Variants in KATNBL1 observed in about 807,000 individuals in gnomAD.
The protein encoded by KATNBL1 is KATNB1-like protein 1.
Under a neutral mutation model 44.7 loss-of-function variants are expected in KATNBL1, and 28 were observed. That is an observed-to-expected ratio of 0.63 (90% CI 0.46 to 0.86). The LOEUF (loss-of-function observed/expected upper bound fraction) is 0.86, where lower values mean the gene tolerates loss of function less well. KATNBL1 is among the 40% of genes least tolerant of loss of function. The probability of loss-of-function intolerance (pLI) is 0.00; values close to 1 mark genes in which losing one functional copy is unlikely to be tolerated. For synonymous variants in KATNBL1, 78 were observed against 114.9 expected (o/e 0.68, Z 2.06); for missense variants, 272 against 350.7 (o/e 0.78, Z 1.79).
At chr15:34,186,968 C>G (rs1889735162) in intron 1 of KATNBL1, among the ~76,000 whole-genome samples, 1 of 152,228 alleles carries the variant, frequency 6.6e-6, no homozygotes, top group Admixed American at 6.5e-5. Flanking sequence ...GATCAACTGG[C>G]ATGCACTTCC....
At chr15:34,143,880 T>C (rs1321774051) in intron 9 of KATNBL1, among the ~76,000 whole-genome samples, 1 of 131,206 alleles carries the variant, frequency 7.6e-6, no homozygotes, top group Admixed American at 9.3e-5. Flanking sequence ...GGCAGGAGAA[T>C]GGCGTGAACC....
rs552425745 is a variant in KATNBL1 at position 34,142,932 on chromosome 15, G to A, written c.883-561C>T. The A allele has an allele frequency of 4.9e-5, 22 of 450,172 alleles. No individual in the cohort carries two copies. In the East Asian group the frequency reaches 7.6e-4, roughly 16 times the overall value. The allele number at this position is 450,172 out of a possible 1,614,324, so 27.9% of individuals were successfully genotyped here. On this transcript the variant is annotated intron_variant, in intron 9 of 9. Transcript: ENST00000256544. ...TCACCATGTTGGCCGGGATGGTCTC[G>A]ATCTCCTGAGCTCGTGATCTGCCCA... is the stretch of plus-strand genomic sequence containing the variant.
intron 2 of KATNBL1, chr15:34,154,956 T>C: frequency 4.8e-6 from 2 of 415,720 alleles, no homozygotes; most frequent in Non-Finnish European, 8.8e-6. Context: ...TATCTGGGTA[T>C]GAGGCAGAGT....
At chr15:34,179,986 A>ATT (rs1378095849) in intron 1 of KATNBL1, among the ~76,000 whole-genome samples, 1 of 152,236 alleles carries the variant, frequency 6.6e-6, no homozygotes, top group Non-Finnish European at 1.5e-5. Flanking sequence ...AGAAGAATCT[A>ATT]TTTTAACTTT....
rs58951561 is a variant in KATNBL1, at chr15:34,193,851, CA to C, written c.-15+16099del. 6.6e-3 allele frequency among the ~76,000 whole-genome samples: 420 copies of C among 63,494 alleles called. 1 individual carries two copies. The highest frequency in any genetic ancestry group is 0.024 in the African/African-American group (386 of 16,122). 41.7% of individuals were successfully genotyped at this position (63,494 alleles called of 152,430 possible). On this transcript the variant is annotated intron_variant, in intron 1 of 9. Coordinates refer to ENST00000256544, the MANE Select transcript of KATNBL1 (RefSeq NM_024713.3). ...TGGGTGACAGAGAAAGGCCCTGTCT[CA>C]AAAAAAAAAAAAAAAAAAAAAAAAA...
intron 5 of KATNBL1, chr15:34,148,388 C>G (rs1888372204): frequency 3.6e-6 from 1 of 278,046 alleles, no homozygotes; most frequent in Non-Finnish European, 6.9e-6. Flanking sequence ...GAGTTCGAGA[C>G]CAGCCCGGGA....
In KATNBL1 at chr15:34,175,936, CAT is replaced by C. The variant is rs2140954923; in HGVS notation, c.-14-12248_-14-12247del. On this transcript the variant is annotated intron_variant, in intron 1 of 9. Transcript: ENST00000256544. ...CATAAAAATGCAGAAGAAACAAAAA[CAT>C]ATGTCCTGACAAAGATATGTATGCA... is the stretch of plus-strand genomic sequence containing the variant. 1.3e-5 allele frequency among the ~76,000 whole-genome samples: 2 copies of C among 152,242 alleles called. 1 individual carries two copies. The highest frequency in any genetic ancestry group is 4.1e-4 in the South Asian group (2 of 4,830).
chr15:34,163,060 TG>T (rs2140929933), intron 2 of KATNBL1, among the ~76,000 whole-genome samples: 1 of 151,566 alleles, frequency 6.6e-6, no homozygotes, highest in East Asian at 1.9e-4. Context: ...TTTTTTTTTT[TG>T]ATATGGAGTT....
At chr15:34,200,052 G>A (rs575816109) in intron 1 of KATNBL1, among the ~76,000 whole-genome samples, 8 of 152,180 alleles carry the variant, frequency 5.3e-5, no homozygotes, top group African/African-American at 1.9e-4. Context: ...CCTGATTGGT[G>A]CATTTACAAT....
At chr15:34,145,286 A>T in intron 9 of KATNBL1, 112 bp downstream of exon 9, 1 of 1,417,392 alleles carries the variant, frequency 7.1e-7, no homozygotes, top group Non-Finnish European at 9.4e-7. Flanking sequence ...TTGACTTTAG[A>T]CATTAGAACA....
Position 34,154,547 on chromosome 15 carries a change from T to C in KATNBL1, c.158+97A>G, listed in dbSNP as rs550626919. On this transcript the variant is annotated intron_variant, in intron 3 of 9. Transcript: ENST00000256544. Reference sequence around the variant, plus strand: ...AGAAGCTGTTTGACAATAAGTTAATTATTATTATGATAAAAGAATGCTTAT... The same window carrying C: ...AGAAGCTGTTTGACAATAAGTTAATCATTATTATGATAAAAGAATGCTTAT... 1.8e-5 allele frequency: 14 copies of C among 772,398 alleles called. No homozygotes were observed. In the East Asian group the frequency reaches 3.2e-4, roughly 17 times the overall value. The allele number at this position is 772,398 out of a possible 1,614,324, so 47.8% of individuals were successfully genotyped here.
At chr15:34,143,966 C>CAAAAA (rs61591705) in intron 9 of KATNBL1, among the ~76,000 whole-genome samples, 14 of 66,392 alleles carry the variant, frequency 2.1e-4, no homozygotes, top group African/African-American at 3.5e-4. Flanking sequence ...GATTCCATCT[C>CAAAAA]AAAAAAAAAA....
Position 34,148,613 on chromosome 15 carries a change from G to A in KATNBL1, c.557+19C>T. The stretch of plus-strand genomic sequence containing the variant: ...AGAAAAAAAGTGATTGAACAAAGAG[G>A]ATAAAAGGTCACACTTACCTCAACA... On this transcript the variant is annotated intron_variant, in intron 5 of 9. Transcript: ENST00000256544. The A allele has an allele frequency of 2.2e-6, 3 of 1,336,178 alleles. No individual in the cohort carries two copies. The highest frequency in any genetic ancestry group is 3.2e-6 in the Non-Finnish European group (3 of 930,450). The allele number at this position is 1,336,178 out of a possible 1,614,324, so 82.8% of individuals were successfully genotyped here. A position where few individuals can be genotyped will look rare whatever the true frequency, so the allele number is the denominator to read the frequency against.
At chr15:34,179,009 G>A (rs1247913501) in intron 1 of KATNBL1, among the ~76,000 whole-genome samples, 1 of 152,142 alleles carries the variant, frequency 6.6e-6, no homozygotes, top group East Asian at 1.9e-4. Context: ...GAAAGCCAAG[G>A]CTGATCTCAA....
chr15:34,181,582 A>C (rs117305737), intron 1 of KATNBL1, among the ~76,000 whole-genome samples: 769 of 59,766 alleles, frequency 0.013, 25 homozygotes, highest in Non-Finnish European at 0.02. Context: ...CCATATATAT[A>C]CATATATATA....
intron 4 of KATNBL1, among the ~76,000 whole-genome samples, chr15:34,150,102 G>T (rs1467863533): frequency 6.6e-6 from 1 of 152,156 alleles, no homozygotes; most frequent in Non-Finnish European, 1.5e-5. Flanking sequence ...ATCACTTTCA[G>T]ATTTAGGTTT....
At chr15:34,186,938 C>T (rs1889733483) in intron 1 of KATNBL1, among the ~76,000 whole-genome samples, 1 of 152,224 alleles carries the variant, frequency 6.6e-6, no homozygotes, top group Non-Finnish European at 1.5e-5. Flanking sequence ...CTCTTCCGGG[C>T]CCACCCATGA....
chr15:34,199,567 G>C (rs1175393476), intron 1 of KATNBL1: 1 of 152,236 alleles, frequency 6.6e-6, no homozygotes, highest in Non-Finnish European at 1.5e-5. Context: ...GTTAGTTCTT[G>C]GTCTTGCTGA....
chr15:34,209,562 G>C (rs998806034), intron 1 of KATNBL1: 5 of 152,328 alleles, frequency 3.3e-5, no homozygotes, highest in African/African-American at 1.2e-4. Flanking sequence ...AAATGCCTGG[G>C]CCGGGCCTAG....
Sources: gnomAD v4.1 joint callset for allele counts (sites outside exome capture counted in the v4.1 genomes callset) on GRCh38, gnomAD v4.1.1 for gene constraint, MANE v1.5 for transcripts, NCBI Gene and HGNC (gene_info 2026-07-23, HGNC 2026-07-21) for gene names.